Variants in BIRC6 observed in about 807,000 individuals in gnomAD.
The protein encoded by BIRC6 is baculoviral IAP repeat containing 6.
BIRC6 carries 98 observed loss-of-function variants against 503.3 expected under a neutral mutation model. The ratio of observed to expected loss-of-function variants is 0.19; its 90% confidence interval spans 0.17 to 0.23. The LOEUF (loss-of-function observed/expected upper bound fraction) is 0.23, where lower values mean the gene tolerates loss of function less well. BIRC6 is among the 10% of genes least tolerant of loss of function. BIRC6 has a pLI of 1.00. For missense variants in BIRC6, 5,360 were observed against 5,806.0 expected, an observed-to-expected ratio of 0.92 and a Z score of 2.50; for synonymous variants, 2,240 against 2,078.7, an observed-to-expected ratio of 1.08 and a Z score of -2.11.
intron 61 of BIRC6, among the ~76,000 whole-genome samples, chr2:32,539,348 C>T (rs533075195): frequency 6.6e-5 from 10 of 152,228 alleles, no homozygotes; most frequent in Admixed American, 3.9e-4. Context: ...TCTAGATGGA[C>T]GTAACCAATA....
Position 32,415,382 on chromosome 2 carries a change from C to T in BIRC6, c.2091C>T (p.Asn697=). 1.9e-6 allele frequency: 3 copies of T among 1,614,038 alleles called. No homozygotes were observed. Among genetic ancestry groups the T allele is most frequent in the Non-Finnish European group, 2.5e-6 (3 of 1,179,894 alleles). The part of the protein sequence containing the change: ...YIQQFADAAA[N]LTSPDSEKWN... ...AGCAATTTGCAGATGCAGCAGCCAA[C>T]CTTACCTCTCCGGATTCTGAGAAGT... The change falls in exon 10 of 74, where the codon AAC becomes AAT. Residue 697 remains asparagine, a synonymous_variant. Transcript: ENST00000421745.
intron 16 of BIRC6, 28 bp downstream of exon 16, chr2:32,439,714 C>T (rs1387805290): frequency 3.8e-6 from 6 of 1,592,756 alleles, no homozygotes; most frequent in Admixed American, 1.7e-5. Flanking sequence ...TGAACAATAA[C>T]AATACAGTTT....
intron 22 of BIRC6, among the ~76,000 whole-genome samples, chr2:32,453,325 A>G (rs1188342569): frequency 6.6e-6 from 1 of 152,214 alleles, no homozygotes; most frequent in African/African-American, 2.4e-5. Flanking sequence ...AACAATGTGT[A>G]GATAAACCTT....
intron 1 of BIRC6, among the ~76,000 whole-genome samples, chr2:32,360,097 G>A (rs1206647530): frequency 6.6e-6 from 1 of 152,162 alleles, no homozygotes; most frequent in Non-Finnish European, 1.5e-5. Flanking sequence ...CCGTTTATGG[G>A]CAATGGGCCA....
At chr2:32,555,148 T>A in intron 65 of BIRC6, among the ~76,000 whole-genome samples, 1 of 152,240 alleles carries the variant, frequency 6.6e-6, no homozygotes. Flanking sequence ...CTGTATATCC[T>A]TATTTATAGT....
At position 32,545,843 on chromosome 2, in the gene BIRC6, A is replaced by G; in HGVS notation, c.12793A>G (p.Ser4265Gly). The change falls in exon 63 of 74, where the codon AGC becomes GGC. Residue 4265 changes from serine (S) to glycine (G), a missense_variant. Ser to Gly is a moderately conservative substitution (Grantham distance 56, BLOSUM62 0). Around this residue, in one of 16 missense-constraint regions of BIRC6, gnomAD observed 477 missense variants for 574.4 expected, o/e 0.83. Transcript: ENST00000421745. ...SHHSPRVPNS[S>G]VNQTEPQVSS... is the part of the protein sequence containing the mutation. The stretch of plus-strand genomic sequence containing the variant: ...CCATTCCCCACGAGTTCCAAACTCT[A>G]GCGTGAATCAAACTGAGGTAGGTTC... 6.2e-7 allele frequency: 1 copy of G among 1,613,356 alleles called. No individual in the cohort carries two copies. Among genetic ancestry groups the G allele is most frequent in the Non-Finnish European group, 8.5e-7 (1 of 1,179,350 alleles).
At chr2:32,525,101 A>G (rs2056142562) in intron 58 of BIRC6, 82 bp downstream of exon 58, 8 of 1,191,674 alleles carry the variant, frequency 6.7e-6, no homozygotes, top group Non-Finnish European at 9.0e-6. Context: ...AAATTTATGT[A>G]ATACATTGTA....
intron 43 of BIRC6, among the ~76,000 whole-genome samples, chr2:32,490,963 C>A (rs2051628108): frequency 6.6e-6 from 1 of 152,122 alleles, no homozygotes; most frequent in Non-Finnish European, 1.5e-5. Flanking sequence ...ATATTTTATT[C>A]ATCTCAGAAA....
At chr2:32,428,697 G>A (rs2043789199) in intron 10 of BIRC6, among the ~76,000 whole-genome samples, 1 of 152,006 alleles carries the variant, frequency 6.6e-6, no homozygotes, top group Non-Finnish European at 1.5e-5. Context: ...AGAAATTTGA[G>A]TTGCCTTCAT....
intron 10 of BIRC6, among the ~76,000 whole-genome samples, chr2:32,428,116 A>G (rs2043727068): frequency 1.3e-5 from 2 of 152,206 alleles, no homozygotes; most frequent in African/African-American, 4.8e-5. Context: ...GCTGTGCTCA[A>G]GTGTGCCCTG....
chr2:32,447,189 T>TC (rs1328250449), intron 21 of BIRC6, among the ~76,000 whole-genome samples: 1 of 149,822 alleles, frequency 6.7e-6, no homozygotes, highest in Non-Finnish European at 1.5e-5. Flanking sequence ...GATTTCTCAA[T>TC]TTTTTCCCCA....
intron 61 of BIRC6, among the ~76,000 whole-genome samples, chr2:32,542,877 G>A (rs1195053446): frequency 1.3e-5 from 2 of 152,072 alleles, no homozygotes; most frequent in Non-Finnish European, 2.9e-5. Context: ...TTGGCTCACT[G>A]TGCCTTCCAC....
At position 32,529,740 on chromosome 2, in the gene BIRC6, C is replaced by T; in HGVS notation, c.12010C>T (p.Leu4004=). 1 of 1,613,614 alleles carries T rather than the reference C, an allele frequency of 6.2e-7. No individual in the cohort carries two copies. The highest frequency in any genetic ancestry group is 2.2e-5 in the East Asian group (1 of 44,842). ...TCCTCAGGGTTACCGCTCAATAGAT[C>T]TGACTGTTAAATTGGGATCAAGAGT... is the stretch of plus-strand genomic sequence containing the variant. ...KLPQGYRSID[L]TVKLGSRVIT... Residue 4004 remains leucine (L), a synonymous_variant, in exon 60 of 74, where the codon CTG becomes TTG. Coordinates refer to ENST00000421745, the MANE Select transcript of BIRC6 (RefSeq NM_016252.4).
At chr2:32,493,477 A>G (rs2052011187) in intron 44 of BIRC6, 63 bp from the exon 45 acceptor site, 1 of 1,453,870 alleles carries the variant, frequency 6.9e-7, no homozygotes, top group East Asian at 2.3e-5. Context: ...GATAATTTTT[A>G]AATGAATGAT....
intron 26 of BIRC6, among the ~76,000 whole-genome samples, chr2:32,466,166 T>C (rs1444579590): frequency 6.6e-6 from 1 of 152,198 alleles, no homozygotes; most frequent in African/African-American, 2.4e-5. Flanking sequence ...CTGTCGAGAA[T>C]AGCACTATTC....
At chr2:32,433,612 C>T (rs1461254962) in intron 12 of BIRC6, 32 bp from the exon 13 acceptor site, 2 of 1,500,630 alleles carry the variant, frequency 1.3e-6, no homozygotes, top group Admixed American at 1.8e-5. Flanking sequence ...AAGATTTTTG[C>T]TTTATTTAGC....
chr2:32,363,216 C>T (rs1325910969), intron 1 of BIRC6, among the ~76,000 whole-genome samples: 1 of 152,100 alleles, frequency 6.6e-6, no homozygotes, highest in African/African-American at 2.4e-5. Context: ...CCTGTAGTCC[C>T]AGATACTCGG....
chr2:32,380,343 C>T, intron 3 of BIRC6, 53 bp downstream of exon 3: 3 of 1,514,606 alleles, frequency 2.0e-6, no homozygotes, highest in Non-Finnish European at 2.6e-6. Context: ...TGGACACCTC[C>T]ATTCTTTTGC....
intron 46 of BIRC6, 107 bp from the exon 47 acceptor site, chr2:32,501,606 G>T: frequency 1.2e-6 from 1 of 857,170 alleles, no homozygotes; most frequent in South Asian, 2.1e-5. Flanking sequence ...CCTGAAGTCA[G>T]GTGATCCACC....
Sources: gnomAD v4.1 joint callset for allele counts (sites outside exome capture counted in the v4.1 genomes callset) on GRCh38, gnomAD v4.1.1 for gene constraint, gnomAD v4.1.1 regional missense constraint, MANE v1.5 for transcripts, NCBI Gene and HGNC (gene_info 2026-07-23, HGNC 2026-07-21) for gene names.